SLC1A3: variants seen among roughly 807,000 people sequenced by gnomAD.
The protein encoded by SLC1A3 is solute carrier family 1 member 3.
SLC1A3 carries 21 observed loss-of-function variants against 48.1 expected under a neutral mutation model. The ratio of observed to expected loss-of-function variants is 0.44; its 90% confidence interval spans 0.31 to 0.63. SLC1A3 has a LOEUF of 0.63. Among genes scored for constraint, SLC1A3 ranks in the 20% least tolerant of loss-of-function variants. SLC1A3 has a pLI of 0.08. For synonymous variants in SLC1A3, 239 were observed against 251.4 expected (o/e 0.95, Z 0.47); for missense variants, 546 against 689.0 (o/e 0.79, Z 2.32).
intron 2 of SLC1A3, among the ~76,000 whole-genome samples, chr5:36,617,592 TTA>T (rs1233009622): frequency 7.2e-5 from 11 of 152,076 alleles, no homozygotes; most frequent in Admixed American, 6.5e-5. Flanking sequence ...TGGAGAAATG[TTA>T]TGACTATAAA....
chr5:36,652,806 C>T (rs1454505414), intron 3 of SLC1A3, among the ~76,000 whole-genome samples: 1 of 152,192 alleles, frequency 6.6e-6, no homozygotes, highest in African/African-American at 2.4e-5. Flanking sequence ...TACATACCCA[C>T]ACTTTCCCCA....
chr5:36,685,746 T>A (rs1285480889), intron 9 of SLC1A3, among the ~76,000 whole-genome samples: 1 of 152,216 alleles, frequency 6.6e-6, no homozygotes, highest in South Asian at 2.1e-4. Flanking sequence ...CCACTATACA[T>A]TCATGAGAAA....
intron 2 of SLC1A3, among the ~76,000 whole-genome samples, chr5:36,624,570 A>G (rs1191029388): frequency 6.6e-6 from 1 of 152,200 alleles, no homozygotes; most frequent in Non-Finnish European, 1.5e-5. Flanking sequence ...CCTCGATACA[A>G]TGCGTGAGGC....
At chr5:36,660,388 A>G (rs1048366016) in intron 3 of SLC1A3, among the ~76,000 whole-genome samples, 1 of 152,254 alleles carries the variant, frequency 6.6e-6, no homozygotes, top group African/African-American at 2.4e-5. Flanking sequence ...ACATTGGAAT[A>G]TGAAGCTGAG....
At chr5:36,683,360 A>G (rs1742512703) in intron 8 of SLC1A3, among the ~76,000 whole-genome samples, 1 of 152,204 alleles carries the variant, frequency 6.6e-6, no homozygotes, top group South Asian at 2.1e-4. Context: ...GACACATAGT[A>G]AGCACATGAT....
intron 3 of SLC1A3, chr5:36,649,432 C>G (rs1740970452): frequency 6.6e-6 from 1 of 152,008 alleles, no homozygotes; most frequent in African/African-American, 2.4e-5. Flanking sequence ...GCATAAATTC[C>G]TATTTTTAGG....
chr5:36,627,748 A>C (rs984862678), intron 2 of SLC1A3, among the ~76,000 whole-genome samples: 5 of 152,218 alleles, frequency 3.3e-5, no homozygotes, highest in Admixed American at 2.0e-4. Flanking sequence ...AGAGACACAC[A>C]AAGTGGTTGC....
chr5:36,600,521 G>T (rs1335726612), intron 1 of SLC1A3, among the ~76,000 whole-genome samples: 1 of 152,134 alleles, frequency 6.6e-6, no homozygotes, highest in African/African-American at 2.4e-5. Flanking sequence ...AACAACTGAG[G>T]CCTGGGGTAC....
intron 6 of SLC1A3, among the ~76,000 whole-genome samples, chr5:36,677,810 C>T (rs1742274867): frequency 6.6e-6 from 1 of 152,174 alleles, no homozygotes; most frequent in Admixed American, 6.5e-5. Context: ...AAGGGAAAAG[C>T]AAACGGAGAG....
chr5:36,596,731 G>A (rs1306149773), intron 1 of SLC1A3, among the ~76,000 whole-genome samples: 1 of 152,194 alleles, frequency 6.6e-6, no homozygotes, highest in African/African-American at 2.4e-5. Flanking sequence ...TCTAAAAAGA[G>A]TTTCCCTAAT....
upstream of SLC1A3, among the ~76,000 whole-genome samples, chr5:36,602,179 C>G (rs1738816412): frequency 6.8e-6 from 1 of 147,380 alleles, no homozygotes. Flanking sequence ...TCTTTCCTTT[C>G]TTTTCTATCT....
intron 3 of SLC1A3, among the ~76,000 whole-genome samples, chr5:36,666,855 G>A (rs1041517049): frequency 6.6e-6 from 1 of 152,016 alleles, no homozygotes; most frequent in African/African-American, 2.4e-5. Context: ...CATGAATTTG[G>A]TGCATATTTG....
At chr5:36,618,588 T>A (rs1185652373) in intron 2 of SLC1A3, among the ~76,000 whole-genome samples, 1 of 152,130 alleles carries the variant, frequency 6.6e-6, no homozygotes, top group African/African-American at 2.4e-5. Flanking sequence ...ATCAGGAAAC[T>A]AGAGCAAACT....
intron 3 of SLC1A3, chr5:36,667,596 T>C (rs961439874): frequency 6.6e-6 from 1 of 152,190 alleles, no homozygotes; most frequent in South Asian, 2.1e-4. Context: ...TCTTCACCTA[T>C]AATATAGTAT....
chr5:36,648,771 G>T (rs1440706854), intron 3 of SLC1A3, among the ~76,000 whole-genome samples: 1 of 152,234 alleles, frequency 6.6e-6, no homozygotes, highest in South Asian at 2.1e-4. Context: ...TACATACATT[G>T]TGAAGACTTA....
At chr5:36,616,270 A>T (rs1370490314) in intron 2 of SLC1A3, among the ~76,000 whole-genome samples, 1 of 152,220 alleles carries the variant, frequency 6.6e-6, no homozygotes, top group East Asian at 1.9e-4. Flanking sequence ...GGCCAAGAAT[A>T]TTCACATCAC....
chr5:36,670,603 GTA>G (rs2111927065), intron 3 of SLC1A3, among the ~76,000 whole-genome samples: 1 of 152,198 alleles, frequency 6.6e-6, no homozygotes, highest in African/African-American at 2.4e-5. Flanking sequence ...TGAACTTGAG[GTA>G]AACTTAGATT....
chr5:36,629,699 G>GA (rs199769251), intron 3 of SLC1A3, 112 bp downstream of exon 3: 101,328 of 589,094 alleles, frequency 0.17, 142 homozygotes, highest in South Asian at 0.23. Flanking sequence ...CTCTGTTCTA[G>GA]AAAAAAAAAA....
At chr5:36,611,345 T>TG (rs1384263511) in intron 2 of SLC1A3, among the ~76,000 whole-genome samples, 2 of 123,730 alleles carry the variant, frequency 1.6e-5, no homozygotes, top group Admixed American at 1.8e-4. Flanking sequence ...TTGTTTAGAC[T>TG]GTTTTTTTTT....
Sources: gnomAD v4.1 joint callset for allele counts (sites outside exome capture counted in the v4.1 genomes callset) on GRCh38, gnomAD v4.1.1 for gene constraint, MANE v1.5 for transcripts, NCBI Gene and HGNC (gene_info 2026-07-23, HGNC 2026-07-21) for gene names.